Variants in NINL observed in about 807,000 individuals in gnomAD.
NINL encodes the protein ninein like.
In NINL, 153 loss-of-function variants were observed where a neutral mutation model predicts 160.3. The ratio of observed to expected loss-of-function variants is 0.95; its 90% CI spans 0.84 to 1.09. NINL has a LOEUF of 1.09. Ranked by LOEUF, NINL falls within the 50% of genes least tolerant of loss-of-function variation. The probability of loss-of-function intolerance (pLI) is 0.00; values close to 1 mark genes in which losing one functional copy is unlikely to be tolerated. For missense variants in NINL, 1,829 were observed against 1,764.0 expected (o/e 1.04, Z -0.66); for synonymous variants, 800 against 734.8 (o/e 1.09, Z -1.43).
rs573697736 is a variant in NINL, at chr20:25,572,914, C to T, written c.-12+12541G>A. On this transcript the variant is annotated intron_variant, in intron 1 of 23. Transcript: ENST00000278886. The stretch of plus-strand genomic sequence containing the variant: ...TCAACCAAACATTCCACGTCCCGGT[C>T]CATTCTATCCATCTGTTATAAAACT... 6.6e-5 allele frequency among the ~76,000 whole-genome samples: 10 copies of T among 152,298 alleles called. No homozygotes were observed. In the East Asian group the frequency reaches 1.7e-3, roughly 26 times the overall value.
chr20:25,558,209 A>C (rs2064891910), intron 1 of NINL, among the ~76,000 whole-genome samples: 2 of 152,038 alleles, frequency 1.3e-5, no homozygotes, highest in African/African-American at 4.8e-5. Context: ...TCATTTATTT[A>C]TTTCTTTATT....
At chr20:25,491,137 G>A (rs545339486) in intron 11 of NINL, among the ~76,000 whole-genome samples, 1 of 151,714 alleles carries the variant, frequency 6.6e-6, no homozygotes, top group East Asian at 1.9e-4. Context: ...TGGGGAAGGA[G>A]GGGCAATGTC....
rs777566384 is a variant in NINL at position 25,476,804 on chromosome 20, C to T, written c.2487G>A (p.Leu829=). The T allele has an allele frequency of 6.2e-7, 1 of 1,612,872 alleles. No individual in the cohort carries two copies. Among genetic ancestry groups the T allele is most frequent in the Non-Finnish European group, 8.5e-7 (1 of 1,179,940 alleles). The change falls in exon 17 of 24, where the codon CTG becomes CTA. Residue 829 remains leucine, a synonymous_variant. Coordinates refer to ENST00000278886, the MANE Select transcript of NINL (RefSeq NM_025176.6). ...GPSLEAEMQA[L]PKDGLVAGSG... ...TTCCTGCCACCAGCCCATCTTTCGG[C>T]AGGGCCTGCATCTCTGCTTCCAGGG...
rs1253919696 is a variant in NINL, at chr20:25,498,278, G to A, written c.1101C>T (p.Leu367=). Residue 367 remains leucine, a synonymous_variant, in exon 9 of 24, where the codon CTC becomes CTT. Coordinates refer to ENST00000278886, the MANE Select transcript of NINL (RefSeq NM_025176.6). ...LELTWALDNE[L]MTVDSAVQQA... ...GCTGGACGGCACTGTCCACTGTCAT[G>A]AGCTCGTTGTCAAGGGCCCAGGTCA... The A allele has an allele frequency of 5.6e-6, 9 of 1,613,336 alleles. No homozygotes were observed. The highest frequency in any genetic ancestry group is 2.7e-5 in the African/African-American group (2 of 74,922).
intron 10 of NINL, among the ~76,000 whole-genome samples, chr20:25,496,436 T>C (rs1468352417): frequency 6.6e-6 from 1 of 152,186 alleles, no homozygotes; most frequent in Admixed American, 6.5e-5. Flanking sequence ...CCTCGGCCCA[T>C]GGGGACGTAG....
Position 25,476,906 on chromosome 20 carries a change from G to T in NINL, c.2385C>A (p.Arg795=), listed in dbSNP as rs369748114. Residue 795 remains arginine (R), a synonymous_variant, in exon 17 of 24, where the codon CGC becomes CGA. Coordinates refer to ENST00000278886, the MANE Select transcript of NINL (RefSeq NM_025176.6). The stretch of plus-strand genomic sequence containing the variant: ...GGGCCAACGATACGCACATCTGGGC[G>T]CGCTTCTCGCTCGCACAGGGCTGCA... ...LKLQPCASEK[R]AQMCVSLALE... is the part of the protein sequence containing the mutation. 6.2e-7 allele frequency: 1 copy of T among 1,612,924 alleles called. No individual in the cohort carries two copies. The highest frequency in any genetic ancestry group is 1.1e-5 in the South Asian group (1 of 91,044).
At chr20:25,491,256 C>G (rs2063625646) in intron 11 of NINL, 95 bp downstream of exon 11, 9 of 1,407,840 alleles carry the variant, frequency 6.4e-6, no homozygotes, top group South Asian at 2.7e-5. Context: ...AGGGCACTGG[C>G]AGGTGTGGAT....
Position 25,512,995 on chromosome 20 carries a change from C to T in NINL, c.289G>A (p.Ala97Thr), listed in dbSNP as rs764453759. 1 of 1,596,484 alleles carries T rather than the reference C, an allele frequency of 6.3e-7. No individual in the cohort carries two copies. Among genetic ancestry groups the T allele is most frequent in the South Asian group, 1.1e-5 (1 of 89,946 alleles). The change falls in exon 4 of 24, where the codon GCC becomes ACC. Residue 97 changes from alanine to threonine, a missense_variant. Coordinates refer to ENST00000278886, the MANE Select transcript of NINL (RefSeq NM_025176.6). ...SSSLESAASS[A>T]IPPKYVNGSK... The stretch of plus-strand genomic sequence containing the variant: ...CCATTCACATACTTTGGAGGGATGG[C>T]ACTGGAGGCAGCTGGAAAGGAAACA...
At chr20:25,512,292 C>T (rs1407631630) in intron 4 of NINL, among the ~76,000 whole-genome samples, 1 of 152,208 alleles carries the variant, frequency 6.6e-6, no homozygotes, top group Non-Finnish European at 1.5e-5. Context: ...AACCTCGAGG[C>T]TGTTTCAAAA....
intron 2 of NINL, among the ~76,000 whole-genome samples, chr20:25,518,165 C>T (rs111344560): frequency 0.049 from 7,491 of 152,304 alleles, 403 homozygotes; most frequent in Admixed American, 0.15. Flanking sequence ...GCATCCCCAA[C>T]GCCACCAGCA....
intron 22 of NINL, among the ~76,000 whole-genome samples, 195 bp downstream of exon 22, chr20:25,458,188 C>G (rs1193505746): frequency 6.6e-6 from 1 of 152,238 alleles, no homozygotes; most frequent in African/African-American, 2.4e-5. Context: ...TCAGGGGCCA[C>G]CTGTGAGGCC....
intron 9 of NINL, among the ~76,000 whole-genome samples, 198 bp downstream of exon 9, chr20:25,498,012 G>A (rs1568914998): frequency 6.6e-6 from 1 of 152,260 alleles, no homozygotes; most frequent in Non-Finnish European, 1.5e-5. Context: ...TCCGTGGCTA[G>A]ATTCTGCTCC....
At chr20:25,491,236 C>T in intron 11 of NINL, 115 bp downstream of exon 11, 1 of 1,309,882 alleles carries the variant, frequency 7.6e-7, no homozygotes, top group Non-Finnish European at 1.0e-6. Flanking sequence ...TGCCCTGAAA[C>T]ATAAGCTTGA....
chr20:25,515,308 GGCCT>G (rs959605794), intron 3 of NINL, among the ~76,000 whole-genome samples: 4 of 152,208 alleles, frequency 2.6e-5, no homozygotes, highest in Non-Finnish European at 5.9e-5. Context: ...ACTTGCATGG[GGCCT>G]GTAGCCCCTT....
intron 1 of NINL, among the ~76,000 whole-genome samples, chr20:25,578,154 A>G (rs1431761279): frequency 2.0e-5 from 3 of 147,508 alleles, no homozygotes; most frequent in Non-Finnish European, 4.5e-5. Context: ...TCTGGCGCCC[A>G]TGGAGTGCAG....
At chr20:25,570,205 C>T (rs1211430107) in intron 1 of NINL, among the ~76,000 whole-genome samples, 2 of 152,046 alleles carry the variant, frequency 1.3e-5, no homozygotes, top group Non-Finnish European at 2.9e-5. Context: ...CTAGAAATTG[C>T]AGAGAAGAAT....
At chr20:25,454,034 C>T (rs374386943) in intron 23 of NINL, among the ~76,000 whole-genome samples, 3 of 151,730 alleles carry the variant, frequency 2.0e-5, no homozygotes, top group Non-Finnish European at 2.9e-5. Flanking sequence ...CCAGCCTAGG[C>T]GACAGAGCAA....
In NINL at chr20:25,489,206, G is replaced by C. The variant is rs765165413; in HGVS notation, c.1677+38C>G. 10 of 1,592,534 alleles carry C rather than the reference G, an allele frequency of 6.3e-6. No homozygotes were observed. The East Asian group carries it at 1.3e-4, about 21-fold the overall frequency. On this transcript the variant is annotated intron_variant, in intron 13 of 23. Transcript: ENST00000278886. Reference sequence around the variant, plus strand: ...ACCTGCGTGTGGAGACCCAGAGCCTGGACATGAGACTAAAAGGCAGACAGA... The same window carrying C: ...ACCTGCGTGTGGAGACCCAGAGCCTCGACATGAGACTAAAAGGCAGACAGA...
At chr20:25,548,153 G>A (rs913794) in intron 1 of NINL, among the ~76,000 whole-genome samples, 152,048 of 152,302 alleles carry the variant, frequency 1, 75,897 homozygotes, top group East Asian at 1. Flanking sequence ...CACACAAGCC[G>A]GTCCAGTGCA....
Sources: gnomAD v4.1 joint callset for allele counts (sites outside exome capture counted in the v4.1 genomes callset) on GRCh38, gnomAD v4.1.1 for gene constraint, MANE v1.5 for transcripts, NCBI Gene and HGNC (gene_info 2026-07-23, HGNC 2026-07-21) for gene names.